CCNF: variants seen among roughly 807,000 people sequenced by gnomAD.
CCNF encodes the protein cyclin F, also known as cyclin-F.
In CCNF, 30 loss-of-function variants were observed where a neutral mutation model predicts 85.4. That is an observed-to-expected ratio of 0.35 (90% confidence interval 0.26 to 0.48). CCNF has a LOEUF of 0.48. CCNF is among the 20% of genes least tolerant of loss of function. CCNF has a pLI of 0.99. For synonymous variants in CCNF, 439 were observed against 425.1 expected (o/e 1.03, Z -0.40); for missense variants, 919 against 1,010.4 (o/e 0.91, Z 1.23).
At position 2,440,477 on chromosome 16, in the gene CCNF, C is replaced by T. The variant is rs1306822678; in HGVS notation, c.777+651C>T. Among the ~76,000 whole-genome samples, 5 of 151,924 alleles carry T rather than the reference C, an allele frequency of 3.3e-5. No individual in the cohort carries two copies. The East Asian group carries it at 7.8e-4, about 24-fold the overall frequency. On this transcript the variant is annotated intron_variant, in intron 8 of 16. Transcript: ENST00000397066. ...ACTAAAAATACAAAAATTAGCTGGG[C>T]GTGGTGGCAGGCACCTGATACTCAG...
rs372434396 is a variant in CCNF, at chr16:2,429,472, G to T, written c.-10G>T. Reference sequence around the variant, plus strand: ...AGGCGGGCTCCGGCGGCAGCGACGCGAGCGCGGCGATGGGGAGCGGCGGCG... The same window carrying T: ...AGGCGGGCTCCGGCGGCAGCGACGCTAGCGCGGCGATGGGGAGCGGCGGCG... On this transcript the variant is annotated 5_prime_UTR_variant, in exon 1 of 17. Transcript: ENST00000397066. 117 of 1,227,754 alleles carry T rather than the reference G, an allele frequency of 9.5e-5. No homozygotes were observed. The highest frequency in any genetic ancestry group is 1.1e-4 in the Non-Finnish European group (113 of 985,834). The allele number at this position is 1,227,754 out of a possible 1,614,324, so 76.1% of individuals were successfully genotyped here.
intron 10 of CCNF, 85 bp downstream of exon 10, chr16:2,445,707 T>G: frequency 8.1e-7 from 1 of 1,238,602 alleles, no homozygotes; most frequent in Non-Finnish European, 1.1e-6. Flanking sequence ...TGCTCCTCAC[T>G]GGTTTGGTTT....
rs2065428124 is a variant in CCNF at position 2,456,464 on chromosome 16, C to A, written c.1886-81C>A. The A allele has an allele frequency of 1.5e-5, 15 of 979,868 alleles. No individual in the cohort carries two copies. In the South Asian group the frequency reaches 2.5e-4, roughly 16 times the overall value. 60.7% of individuals were successfully genotyped at this position (979,868 alleles called of 1,614,324 possible). A position where few individuals can be genotyped will look rare whatever the true frequency, so the allele number is the denominator to read the frequency against. On this transcript the variant is annotated intron_variant, in intron 16 of 16. Transcript: ENST00000397066. The surrounding 1 kb of genome is among the most constrained non-coding windows in gnomAD (Gnocchi z 4.5). ...CAAGGTAGAAGATTCTTGACCTGGA[C>A]TTCAGGGTCCTGACCTGGCAGGGGG...
intron 13 of CCNF, among the ~76,000 whole-genome samples, chr16:2,450,509 C>CAAA (rs56025006): frequency 7.5e-6 from 1 of 132,674 alleles, no homozygotes; most frequent in Non-Finnish European, 1.6e-5. Context: ...AACTCCATCT[C>CAAA]AAAAAAAAAA....
At chr16:2,448,657 C>G (rs750622990) in intron 10 of CCNF, among the ~76,000 whole-genome samples, 198 bp from the exon 11 acceptor site, 24 of 152,184 alleles carry the variant, frequency 1.6e-4, no homozygotes, top group Non-Finnish European at 2.5e-4. Flanking sequence ...AGCTGTCCTC[C>G]TGCCTGGGCC....
chr16:2,449,235 A>G, intron 11 of CCNF, 47 bp from the exon 12 acceptor site: 1 of 1,601,814 alleles, frequency 6.2e-7, no homozygotes, highest in Non-Finnish European at 8.6e-7. Context: ...CACTGCACCA[A>G]GGAGCCCCCG....
chr16:2,439,015 C>T (rs1308218957), intron 6 of CCNF, among the ~76,000 whole-genome samples: 2 of 150,490 alleles, frequency 1.3e-5, no homozygotes, highest in Non-Finnish European at 1.5e-5. Flanking sequence ...ACAAAAAAAC[C>T]AGCCAGGCAC....
At chr16:2,431,328 T>C in intron 2 of CCNF, 44 bp downstream of exon 2, 1 of 1,595,816 alleles carries the variant, frequency 6.3e-7, no homozygotes, top group South Asian at 1.1e-5. Context: ...GCATTGTTGA[T>C]TATACCATCA....
In CCNF at chr16:2,442,457, A is replaced by T. The variant is rs553732066; in HGVS notation, c.778-1192A>T. On this transcript the variant is annotated intron_variant, in intron 8 of 16. Transcript: ENST00000397066. ...TATATATAATATATAATATTATATAATATAATATTATTATATATAATATAT... is the reference window on the plus strand; with the variant it reads ...TATATATAATATATAATATTATATATTATAATATTATTATATATAATATAT... 9.3e-4 allele frequency among the ~76,000 whole-genome samples: 5 copies of T among 5,400 alleles called. 1 individual carries two copies. The African/African-American group carries it at 0.03, about 32-fold the overall frequency. 3.5% of individuals were successfully genotyped at this position (5,400 alleles called of 152,430 possible). A position where few individuals can be genotyped will look rare whatever the true frequency, so the allele number is the denominator to read the frequency against.
At chr16:2,448,429 C>T (rs933098999) in intron 10 of CCNF, among the ~76,000 whole-genome samples, 1 of 152,066 alleles carries the variant, frequency 6.6e-6, no homozygotes, top group African/African-American at 2.4e-5. Flanking sequence ...TTTTTTGAGA[C>T]AGTGTCTTGC....
chr16:2,453,177 TCA>T lies in CCNF; in HGVS notation c.1488-30_1488-29del. Reference sequence around the variant, plus strand: ...AAGCTAAAAATGGGGTGGGGGTGCCTCACATGTCCACTCCACGTGACTCTGTT... The same window carrying T: ...AAGCTAAAAATGGGGTGGGGGTGCCTCATGTCCACTCCACGTGACTCTGTT... On this transcript the variant is annotated intron_variant, in intron 13 of 16. Transcript: ENST00000397066. This position sits in a 1 kb window ranked among gnomAD's most constrained non-coding sequence, Gnocchi z 5.6. 7 of 1,595,166 alleles carry T rather than the reference TCA, an allele frequency of 4.4e-6. No individual in the cohort carries two copies. Among genetic ancestry groups the T allele is most frequent in the Non-Finnish European group, 4.3e-6 (5 of 1,163,364 alleles).
In CCNF at chr16:2,457,462, G is replaced by A. The variant is rs73490247; in HGVS notation, c.*442G>A. 1,054 of 160,124 alleles carry A rather than the reference G, an allele frequency of 6.6e-3. 13 individuals are homozygous for A. Among genetic ancestry groups the A allele is most frequent in the African/African-American group, 0.024 (992 of 41,644 alleles). 9.9% of individuals were successfully genotyped at this position (160,124 alleles called of 1,614,324 possible). ...ACATCTGCTGGTTTGGGGCTTCAGT[G>A]GGGAGCTGACAGCTGTGAGCACACC... On this transcript the variant is annotated 3_prime_UTR_variant, in exon 17 of 17. Transcript: ENST00000397066.
chr16:2,457,182 G>A lies in CCNF; in HGVS notation c.*162G>A. 8.7e-6 allele frequency: 5 copies of A among 576,998 alleles called. No individual in the cohort carries two copies. The South Asian group carries it at 9.5e-5, about 11-fold the overall frequency. The allele number at this position is 576,998 out of a possible 1,614,324, so 35.7% of individuals were successfully genotyped here. On this transcript the variant is annotated 3_prime_UTR_variant, in exon 17 of 17. Coordinates refer to ENST00000397066, the MANE Select transcript of CCNF (RefSeq NM_001761.3). ...GTTTCTGTCTCCGCGGGAGTCCCGT[G>A]CAAGCCATCAGAATGTTGAAATGAG...
At chr16:2,449,645 G>A (rs1041762824) in intron 12 of CCNF, among the ~76,000 whole-genome samples, 183 bp downstream of exon 12, 7 of 152,172 alleles carry the variant, frequency 4.6e-5, no homozygotes, top group African/African-American at 1.4e-4. Flanking sequence ...CACGCCCTAT[G>A]TATGGGTTTT....
Position 2,443,786 on chromosome 16 carries a change from C to G in CCNF, c.915C>G (p.Leu305=). 6.2e-7 allele frequency: 1 copy of G among 1,614,102 alleles called. No homozygotes were observed. Among genetic ancestry groups the G allele is most frequent in the Non-Finnish European group, 8.5e-7 (1 of 1,180,010 alleles). ...AAGTCTTCTCCGTGCAGAAGGGACT[C>G]AATGACACAATGAGGTGAGGCATTC... ...KQQVFSVQKG[L]NDTMRYILID... Residue 305 remains leucine, a synonymous_variant, in exon 9 of 17, where the codon CTC becomes CTG. Coordinates refer to ENST00000397066, the MANE Select transcript of CCNF (RefSeq NM_001761.3).
intron 15 of CCNF, among the ~76,000 whole-genome samples, chr16:2,454,053 G>A (rs942468839): frequency 2.6e-5 from 4 of 152,104 alleles, no homozygotes; most frequent in African/African-American, 9.7e-5. Flanking sequence ...ATTCCACAAG[G>A]CCCCGATGAA....
intron 3 of CCNF, among the ~76,000 whole-genome samples, chr16:2,433,337 A>G (rs1258156691): frequency 1.3e-5 from 2 of 152,120 alleles, no homozygotes; most frequent in African/African-American, 4.8e-5. Context: ...CCATTCCCAC[A>G]TGACCCAGAC....
intron 16 of CCNF, 104 bp downstream of exon 16, chr16:2,455,668 A>T: frequency 1.4e-6 from 2 of 1,444,768 alleles, no homozygotes; most frequent in Non-Finnish European, 1.8e-6. Context: ...TGGGAGGAAG[A>T]TGTGCACAGA....
At chr16:2,437,950 A>C in intron 5 of CCNF, 120 bp from the exon 6 acceptor site, 4 of 649,254 alleles carry the variant, frequency 6.2e-6, no homozygotes, top group Middle Eastern at 3.8e-4. Flanking sequence ...GGCCCTCTGC[A>C]GGGGAGGGAG....
Sources: gnomAD v4.1 joint callset for allele counts (sites outside exome capture counted in the v4.1 genomes callset) on GRCh38, gnomAD v4.1.1 for gene constraint, Gnocchi (gnomAD v3.1) non-coding constraint, MANE v1.5 for transcripts, NCBI Gene and HGNC (gene_info 2026-07-23, HGNC 2026-07-21) for gene names.